The following FANCC variants were observed in gnomAD, a reference collection of about 807,000 sequenced individuals.
FANCC encodes FA complementation group C.
Under a neutral mutation model 71.3 loss-of-function variants are expected in FANCC, and 55 were observed. The ratio of observed to expected loss-of-function variants is 0.77; its 90% CI spans 0.62 to 0.97. The LOEUF is 0.97. Ranked by LOEUF, FANCC falls within the 50% of genes least tolerant of loss-of-function variation. The probability of loss-of-function intolerance (pLI) is 0.00; values close to 1 mark genes in which losing one functional copy is unlikely to be tolerated. For synonymous variants in FANCC, 275 were observed against 244.9 expected, an observed-to-expected ratio of 1.12 and a Z score of -1.15; for missense variants, 678 against 670.9, an observed-to-expected ratio of 1.01 and a Z score of -0.12.
At chr9:95,196,231 C>T (rs918448202) in intron 4 of FANCC, among the ~76,000 whole-genome samples, 1 of 152,114 alleles carries the variant, frequency 6.6e-6, no homozygotes, top group South Asian at 2.1e-4. Flanking sequence ...ATTCACTCTA[C>T]GTGTTTGGGA....
intron 1 of FANCC, among the ~76,000 whole-genome samples, chr9:95,304,294 A>C (rs1834941455): frequency 6.6e-6 from 1 of 152,202 alleles, no homozygotes; most frequent in Admixed American, 6.5e-5. Flanking sequence ...AGAAGGATGA[A>C]TGACAGTGAA....
intron 4 of FANCC, among the ~76,000 whole-genome samples, chr9:95,226,720 A>G (rs1829643207): frequency 6.6e-6 from 1 of 152,200 alleles, no homozygotes; most frequent in Non-Finnish European, 1.5e-5. Flanking sequence ...TAAACTGCCC[A>G]GGTTCCCAAA....
At chr9:95,295,120 G>C (rs577850966) in intron 1 of FANCC, among the ~76,000 whole-genome samples, 5 of 152,036 alleles carry the variant, frequency 3.3e-5, no homozygotes, top group Non-Finnish European at 7.4e-5. Flanking sequence ...TGGTCTTCTG[G>C]GCAAAGATTT....
chr9:95,307,382 A>T (rs891028974), intron 1 of FANCC, among the ~76,000 whole-genome samples: 1 of 152,250 alleles, frequency 6.6e-6, no homozygotes, highest in African/African-American at 2.4e-5. Context: ...TTTGTATAAA[A>T]TCAACAGAAC....
intron 4 of FANCC, among the ~76,000 whole-genome samples, chr9:95,187,692 T>G (rs1826814831): frequency 6.6e-6 from 1 of 151,820 alleles, no homozygotes; most frequent in South Asian, 2.1e-4. Context: ...ATAGCTCAAA[T>G]GCTGTGTGTC....
chr9:95,155,718 TTC>T (rs1156792210), intron 6 of FANCC, among the ~76,000 whole-genome samples: 1 of 151,958 alleles, frequency 6.6e-6, no homozygotes, highest in African/African-American at 2.4e-5. Context: ...CAATCTTCTT[TTC>T]TCTTTCTTTC....
chr9:95,112,705 C>A (rs1355117276), intron 12 of FANCC, among the ~76,000 whole-genome samples: 2 of 152,226 alleles, frequency 1.3e-5, no homozygotes, highest in South Asian at 4.1e-4. Context: ...AGGTTGGCAG[C>A]GTGACTGGAT....
At chr9:95,284,181 C>T (rs1373600719) in intron 1 of FANCC, among the ~76,000 whole-genome samples, 2 of 152,172 alleles carry the variant, frequency 1.3e-5, no homozygotes, top group Non-Finnish European at 2.9e-5. Context: ...AAACTGTTCA[C>T]AAAAGCAATG....
intron 4 of FANCC, among the ~76,000 whole-genome samples, chr9:95,208,579 A>G (rs539929967): frequency 1.3e-5 from 2 of 152,368 alleles, no homozygotes; most frequent in East Asian, 3.8e-4. Context: ...AAAATGCACC[A>G]AAGACTGTAA....
chr9:95,299,956 G>C (rs1292909531), intron 1 of FANCC, among the ~76,000 whole-genome samples: 1 of 152,066 alleles, frequency 6.6e-6, no homozygotes, highest in Admixed American at 6.5e-5. Flanking sequence ...TCATTGACTG[G>C]CAATGTATGT....
intron 4 of FANCC, among the ~76,000 whole-genome samples, chr9:95,189,042 T>C (rs892019156): frequency 2.6e-5 from 4 of 152,242 alleles, no homozygotes; most frequent in African/African-American, 9.6e-5. Context: ...ATTCAAATAC[T>C]GTGAATATCA....
intron 4 of FANCC, among the ~76,000 whole-genome samples, chr9:95,202,999 T>C (rs1310650151): frequency 6.6e-6 from 1 of 152,148 alleles, no homozygotes; most frequent in Non-Finnish European, 1.5e-5. Flanking sequence ...CAAAGAAATA[T>C]CAGCTAAATA....
At chr9:95,161,679 T>A (rs1253225523) in intron 6 of FANCC, among the ~76,000 whole-genome samples, 1 of 152,158 alleles carries the variant, frequency 6.6e-6, no homozygotes, top group Non-Finnish European at 1.5e-5. Context: ...TTTTTAACTA[T>A]ACAGTACAGT....
chr9:95,111,336 C>CATA, intron 13 of FANCC, 127 bp downstream of exon 13: 1 of 1,597,878 alleles, frequency 6.3e-7, no homozygotes, highest in African/African-American at 1.3e-5. Flanking sequence ...GTTGCCATGA[C>CATA]ATATGCCATC....
At chr9:95,313,148 T>A (rs1835512038) in intron 1 of FANCC, among the ~76,000 whole-genome samples, 1 of 152,064 alleles carries the variant, frequency 6.6e-6, no homozygotes. Context: ...GCTGGAGACG[T>A]GCACACGCCT....
At chr9:95,226,345 G>A (rs1420668821) in intron 4 of FANCC, among the ~76,000 whole-genome samples, 5 of 152,136 alleles carry the variant, frequency 3.3e-5, no homozygotes, top group Admixed American at 2.6e-4. Context: ...TAATAGACAG[G>A]GGGTGAAAAG....
Position 95,268,495 on chromosome 9 carries a change from C to A in FANCC, c.-78-19126G>T, listed in dbSNP as rs77938294. 1.5e-3 allele frequency among the ~76,000 whole-genome samples: 221 copies of A among 152,334 alleles called. 6 individuals carry two copies. In the East Asian group the frequency reaches 0.033, roughly 22 times the overall value. ...AAATTTCTCTACTACATATTTATTTCTTTCTGCTGCATCTTCTCTGAAGCT... is the reference window on the plus strand; with the variant it reads ...AAATTTCTCTACTACATATTTATTTATTTCTGCTGCATCTTCTCTGAAGCT... On this transcript the variant is annotated intron_variant, in intron 1 of 14. Coordinates refer to ENST00000289081, the MANE Select transcript of FANCC (RefSeq NM_000136.3).
chr9:95,256,666 G>C (rs1325643097), intron 1 of FANCC, among the ~76,000 whole-genome samples: 2 of 152,136 alleles, frequency 1.3e-5, no homozygotes, highest in Non-Finnish European at 2.9e-5. Context: ...CACAATGATA[G>C]GATCAAATTC....
At chr9:95,105,103 C>T (rs2071341794) in intron 14 of FANCC, among the ~76,000 whole-genome samples, 1 of 152,222 alleles carries the variant, frequency 6.6e-6, no homozygotes, top group Non-Finnish European at 1.5e-5. Context: ...CATGTGGCAG[C>T]CAGTCGTCTT....
Sources: allele counts gnomAD v4.1 joint callset (sites outside exome capture counted in the v4.1 genomes callset), GRCh38; gene constraint gnomAD v4.1.1; transcripts MANE v1.5; gene names NCBI Gene and HGNC (gene_info 2026-07-23, HGNC 2026-07-21).